Variants in ATRNL1 observed in about 807,000 individuals in gnomAD.
The protein encoded by ATRNL1 is attractin-like protein 1.
ATRNL1 carries 95 observed loss-of-function variants against 182.7 expected under a neutral mutation model. The observed-to-expected ratio is 0.52, with a 90% confidence interval of 0.44 to 0.62. The LOEUF (loss-of-function observed/expected upper bound fraction) is 0.62. ATRNL1 is among the 20% of genes least tolerant of loss of function. The pLI is 0.00. For missense variants in ATRNL1, 1,471 were observed against 1,679.5 expected, an observed-to-expected ratio of 0.88 and a Z score of 2.17; for synonymous variants, 576 against 568.3, an observed-to-expected ratio of 1.01 and a Z score of -0.19.
intron 27 of ATRNL1, among the ~76,000 whole-genome samples, chr10:115,788,492 G>A (rs896579537): frequency 1.1e-4 from 17 of 152,144 alleles, no homozygotes; most frequent in African/African-American, 3.9e-4. Flanking sequence ...GATGGTATAA[G>A]TAACTGTTCT....
chr10:115,589,749 T>C (rs782667562), intron 26 of ATRNL1, among the ~76,000 whole-genome samples: 2 of 152,200 alleles, frequency 1.3e-5, no homozygotes, highest in Non-Finnish European at 2.9e-5. Context: ...TAAAATTATT[T>C]ATATAACACA....
At chr10:115,603,499 A>G (rs76182532) in intron 26 of ATRNL1, among the ~76,000 whole-genome samples, 2 of 152,132 alleles carry the variant, frequency 1.3e-5, no homozygotes, top group African/African-American at 4.8e-5. Flanking sequence ...CAAGAGTTTT[A>G]TGGGGGCAGA....
At chr10:115,803,604 T>TG (rs1949850094) in intron 27 of ATRNL1, among the ~76,000 whole-genome samples, 1 of 151,906 alleles carries the variant, frequency 6.6e-6, no homozygotes, top group South Asian at 2.1e-4. Flanking sequence ...TTTGTGTTTT[T>TG]TTTTTAACAT....
intron 19 of ATRNL1, among the ~76,000 whole-genome samples, chr10:115,376,224 G>A (rs79810391): frequency 0.017 from 2,553 of 151,934 alleles, 75 homozygotes; most frequent in African/African-American, 0.057. Flanking sequence ...ATAGCCTAAT[G>A]GAGATTCCTT....
At chr10:115,908,582 C>T (rs115464384) in intron 28 of ATRNL1, among the ~76,000 whole-genome samples, 6 of 152,332 alleles carry the variant, frequency 3.9e-5, no homozygotes, top group African/African-American at 1.4e-4. Context: ...TTAATCACTT[C>T]TGTAAAGTCC....
At chr10:115,128,842 AAAG>A (rs1363152951) in intron 4 of ATRNL1, among the ~76,000 whole-genome samples, 1 of 151,852 alleles carries the variant, frequency 6.6e-6, no homozygotes, top group Non-Finnish European at 1.5e-5. Flanking sequence ...AAAAAAAAAA[AAAG>A]AGTCTTAAAG....
At chr10:115,516,719 G>T (rs551441103) in intron 24 of ATRNL1, among the ~76,000 whole-genome samples, 96 of 49,164 alleles carry the variant, frequency 2.0e-3, no homozygotes, top group African/African-American at 6.3e-3. Flanking sequence ...CAGATCTTAT[G>T]ACTTTTCATA....
intron 27 of ATRNL1, among the ~76,000 whole-genome samples, chr10:115,733,689 C>T (rs1186849438): frequency 6.6e-6 from 1 of 152,158 alleles, no homozygotes; most frequent in Non-Finnish European, 1.5e-5. Context: ...TATCCATGGA[C>T]AGTAGTTCCA....
At chr10:115,426,890 A>G (rs1316332278) in intron 21 of ATRNL1, among the ~76,000 whole-genome samples, 6 of 151,986 alleles carry the variant, frequency 3.9e-5, no homozygotes, top group African/African-American at 1.5e-4. Context: ...ACGCCCAGCT[A>G]ATTTTTGTAT....
intron 27 of ATRNL1, among the ~76,000 whole-genome samples, chr10:115,742,815 C>G (rs1948176026): frequency 6.6e-6 from 1 of 152,058 alleles, no homozygotes. Context: ...CTCATATCAC[C>G]TTGCTCAGAA....
At chr10:115,202,435 G>C (rs1402770539) in intron 8 of ATRNL1, among the ~76,000 whole-genome samples, 1 of 152,032 alleles carries the variant, frequency 6.6e-6, no homozygotes, top group Non-Finnish European at 1.5e-5. Flanking sequence ...AGAGTTTTTA[G>C]CATGAAGGGC....
At chr10:115,381,484 G>A (rs1291029663) in intron 19 of ATRNL1, among the ~76,000 whole-genome samples, 2 of 124,850 alleles carry the variant, frequency 1.6e-5, no homozygotes, top group African/African-American at 2.9e-5. Flanking sequence ...TGTTGGCCAG[G>A]CTGGTCTCAA....
At chr10:115,644,406 A>G (rs60861547) in intron 26 of ATRNL1, among the ~76,000 whole-genome samples, 1,527 of 152,264 alleles carry the variant, frequency 0.01, 30 homozygotes, top group African/African-American at 0.035. Context: ...TCACGACAAT[A>G]TTGTATGTAG....
intron 26 of ATRNL1, among the ~76,000 whole-genome samples, chr10:115,719,034 A>G (rs1593118162): frequency 6.6e-6 from 1 of 152,200 alleles, no homozygotes. Context: ...TTTATTCACC[A>G]TGGAAATCTT....
intron 1 of ATRNL1, among the ~76,000 whole-genome samples, chr10:115,118,183 G>C (rs888522077): frequency 2.0e-5 from 3 of 151,992 alleles, no homozygotes; most frequent in African/African-American, 7.3e-5. Context: ...TTCCTTTGCT[G>C]TGCAGAAGTT....
chr10:115,176,499 G>T (rs1390314280), intron 8 of ATRNL1, among the ~76,000 whole-genome samples: 1 of 152,074 alleles, frequency 6.6e-6, no homozygotes. Flanking sequence ...ATGATGATGA[G>T]AATTAGTCGA....
chr10:115,248,166 A>G (rs1850724576), intron 10 of ATRNL1, among the ~76,000 whole-genome samples: 1 of 152,210 alleles, frequency 6.6e-6, no homozygotes, highest in Non-Finnish European at 1.5e-5. Flanking sequence ...ATCTAGAATT[A>G]GGATATTGAA....
At chr10:115,123,422 G>A (rs184382604) in intron 3 of ATRNL1, among the ~76,000 whole-genome samples, 19 of 152,270 alleles carry the variant, frequency 1.2e-4, no homozygotes, top group South Asian at 8.3e-4. Context: ...TGATTTAAAA[G>A]CATATGCTGT....
At chr10:115,393,026 C>T (rs532502749) in intron 19 of ATRNL1, among the ~76,000 whole-genome samples, 7 of 152,154 alleles carry the variant, frequency 4.6e-5, no homozygotes, top group Non-Finnish European at 1.0e-4. Context: ...TTAAGGGGAC[C>T]CACAGCAGAC....
Sources: allele counts gnomAD v4.1 joint callset (sites outside exome capture counted in the v4.1 genomes callset), GRCh38; gene constraint gnomAD v4.1.1; transcripts MANE v1.5; gene names NCBI Gene and HGNC (gene_info 2026-07-23, HGNC 2026-07-21).